Variants in GMEB2 observed in about 807,000 individuals in gnomAD.
GMEB2 encodes glucocorticoid modulatory element-binding protein 2.
A neutral mutation model predicts 45.7 loss-of-function variants in GMEB2; 7 were observed. The ratio of observed to expected loss-of-function variants is 0.15; its 90% CI spans 0.09 to 0.29. The LOEUF (loss-of-function observed/expected upper bound fraction) is 0.29. Among genes scored for constraint, GMEB2 ranks in the 10% least tolerant of loss-of-function variants. GMEB2 has a pLI of 1.00. For missense variants in GMEB2, 582 were observed against 739.2 expected, an observed-to-expected ratio of 0.79 and a Z score of 2.47; for synonymous variants, 322 against 323.6, an observed-to-expected ratio of 1.00 and a Z score of 0.05.
At chr20:63,608,824 CCT>C (rs1177810950) in intron 2 of GMEB2, among the ~76,000 whole-genome samples, 19 of 69,000 alleles carry the variant, frequency 2.8e-4, no homozygotes, top group Non-Finnish European at 4.8e-4. Context: ...GAAACATGCC[CCT>C]CTGACCCACA....
rs747331805 is a variant in GMEB2 at position 63,593,609 on chromosome 20, G to A, written c.620-527C>T. Among the ~76,000 whole-genome samples, 6 of 152,100 alleles carry A rather than the reference G, an allele frequency of 3.9e-5. No homozygotes were observed. Among genetic ancestry groups the A allele is most frequent in the Admixed American group, 6.6e-5 (1 of 15,264 alleles). On this transcript the variant is annotated intron_variant, in intron 6 of 9. Transcript: ENST00000370077. The surrounding 1 kb of genome is among the most constrained non-coding windows in gnomAD (Gnocchi z 4.7). The stretch of plus-strand genomic sequence containing the variant: ...AGTGGGGCTTTGAGAGACAGAAACC[G>A]TCCTGGCTCTTCCTGTGGGTCCCTC...
chr20:63,609,003 CA>C (rs1467804804), intron 2 of GMEB2, among the ~76,000 whole-genome samples: 7 of 24,940 alleles, frequency 2.8e-4, no homozygotes, highest in East Asian at 6.8e-4. Context: ...CCCTCTGACC[CA>C]CACCTCCATT....
At chr20:63,610,956 A>G (rs548128979) in intron 2 of GMEB2, among the ~76,000 whole-genome samples, 3 of 152,320 alleles carry the variant, frequency 2.0e-5, no homozygotes, top group East Asian at 3.9e-4. Flanking sequence ...TGAGGACCAC[A>G]TGCAGAGCCT....
At position 63,595,642 on chromosome 20, in the gene GMEB2, T is replaced by C. The variant is rs930833189; in HGVS notation, c.587A>G (p.Glu196Gly). 4 of 1,612,798 alleles carry C rather than the reference T, an allele frequency of 2.5e-6. No homozygotes were observed. Among genetic ancestry groups the C allele is most frequent in the Non-Finnish European group, 2.5e-6 (3 of 1,179,564 alleles). The change falls in exon 6 of 10, where the codon GAG becomes GGG. Residue 196 changes from glutamate to glycine, a missense_variant. By Grantham distance (98) the Glu-to-Gly change is moderately conservative. Coordinates refer to ENST00000370077, the MANE Select transcript of GMEB2 (RefSeq NM_012384.5). ...RVSLSSPTSA[E>G]YIPLTPAAAD... The stretch of plus-strand genomic sequence containing the variant: ...TGCGGCGGGCGTGAGGGGAATGTAC[T>C]CGGCCGACGTGGGGCTGCTCAGGGA...
rs567384252 is a variant in GMEB2, at chr20:63,589,964, C to G, written c.*125G>C. 4 of 701,712 alleles carry G rather than the reference C, an allele frequency of 5.7e-6. No homozygotes were observed. In the Admixed American group the frequency reaches 1.1e-4, roughly 19 times the overall value. The allele number at this position is 701,712 out of a possible 1,614,324, so 43.5% of individuals were successfully genotyped here. On this transcript the variant is annotated 3_prime_UTR_variant, in exon 10 of 10. Coordinates refer to ENST00000370077, the MANE Select transcript of GMEB2 (RefSeq NM_012384.5). The stretch of plus-strand genomic sequence containing the variant: ...CGTGATTTGTTTTGGCGATTCCTCT[C>G]TTTGGTTCTGCAGACCACGTGACCC...
chr20:63,622,548 C>A (rs564092728), intron 1 of GMEB2, among the ~76,000 whole-genome samples: 2 of 152,322 alleles, frequency 1.3e-5, no homozygotes, highest in East Asian at 3.9e-4. Context: ...ACCCTAGCTT[C>A]TTTTCCTCCA....
Position 63,619,539 on chromosome 20 carries a change from T to C in GMEB2, c.-57-85A>G, listed in dbSNP as rs1601034445. ...ACTCACAAAGGCATCTCTAATCAGC[T>C]CCAAAGACCCACCCTTGAGTCCCAG... On this transcript the variant is annotated intron_variant, in intron 1 of 9. Coordinates refer to ENST00000370077, the MANE Select transcript of GMEB2 (RefSeq NM_012384.5). The surrounding 1 kb of genome is among the most constrained non-coding windows in gnomAD (Gnocchi z 4.6). The C allele has an allele frequency of 4.1e-6, 3 of 734,340 alleles. No individual in the cohort carries two copies. The highest frequency in any genetic ancestry group is 6.3e-5 in the East Asian group (2 of 31,926). 45.5% of individuals were successfully genotyped at this position (734,340 alleles called of 1,614,324 possible). A position where few individuals can be genotyped will look rare whatever the true frequency, so the allele number is the denominator to read the frequency against.
chr20:63,594,606 C>T (rs1042314488), intron 6 of GMEB2, among the ~76,000 whole-genome samples: 1 of 152,194 alleles, frequency 6.6e-6, no homozygotes, highest in African/African-American at 2.4e-5. Flanking sequence ...ACAACAAGGA[C>T]GTCCCTGGGC....
rs563687385 is a variant in GMEB2 at position 63,592,210 on chromosome 20, G to T, written c.830-66C>A. 429 of 1,506,596 alleles carry T rather than the reference G, an allele frequency of 2.8e-4. No individual in the cohort carries two copies. In the Middle Eastern group the frequency reaches 3.3e-3, roughly 12 times the overall value. The allele number at this position is 1,506,596 out of a possible 1,614,324, so 93.3% of individuals were successfully genotyped here. Reference sequence around the variant, plus strand: ...TTCCTAGAGAGCCACGCGGACGCTCGGTGAGAGCCCGGGACCTTCCTAGAG... The same window carrying T: ...TTCCTAGAGAGCCACGCGGACGCTCTGTGAGAGCCCGGGACCTTCCTAGAG... On this transcript the variant is annotated intron_variant, in intron 8 of 9. Coordinates refer to ENST00000370077, the MANE Select transcript of GMEB2 (RefSeq NM_012384.5). The surrounding 1 kb of genome is among the most constrained non-coding windows in gnomAD (Gnocchi z 8.2).
Position 63,590,450 on chromosome 20 carries a change from C to A in GMEB2, c.1232G>T (p.Gly411Val). ...VVSTLPSTVL[G>V]KGSLQAPPAS... is the part of the protein sequence containing the mutation. ...GGGGGGCGCCTGAAGGGAACCCTTG[C>A]CCAGGACGGTGGACGGCAGGGTGGA... The change falls in exon 10 of 10, where the codon GGC (glycine) becomes GTC (valine). Residue 411 changes from glycine (G) to valine (V), a missense_variant. Gly to Val is a moderately radical substitution (Grantham distance 109, BLOSUM62 -3). This residue lies in a region of GMEB2 where 462 missense variants were observed against 586.7 expected (regional missense o/e 0.79). Transcript: ENST00000370077. 1 of 1,530,934 alleles carries A rather than the reference C, an allele frequency of 6.5e-7. No individual in the cohort carries two copies. 94.8% of individuals were successfully genotyped at this position (1,530,934 alleles called of 1,614,324 possible).
Position 63,597,751 on chromosome 20 carries a change from G to A in GMEB2, c.461+6C>T, listed in dbSNP as rs372702609. 115 of 1,526,168 alleles carry A rather than the reference G, an allele frequency of 7.5e-5. No individual in the cohort carries two copies. The highest frequency in any genetic ancestry group is 2.5e-4 in the South Asian group (22 of 89,278). 94.5% of individuals were successfully genotyped at this position (1,526,168 alleles called of 1,614,324 possible). ...GCAGGGAGGCTGACCCTGCGCCAGCGCCCACCTGAGCATGATGCCGTTCAT... is the reference window on the plus strand; with the variant it reads ...GCAGGGAGGCTGACCCTGCGCCAGCACCCACCTGAGCATGATGCCGTTCAT... On this transcript the variant is annotated splice_donor_region_variant and intron_variant, in intron 5 of 9. Transcript: ENST00000370077.
intron 6 of GMEB2, among the ~76,000 whole-genome samples, chr20:63,594,677 A>G (rs538194370): frequency 2.6e-4 from 39 of 152,328 alleles, no homozygotes; most frequent in African/African-American, 9.4e-4. Context: ...TGCATGTGGC[A>G]TTGCTGGAAA....
intron 9 of GMEB2, among the ~76,000 whole-genome samples, chr20:63,591,349 CTGAACACACACACAG>C (rs1364820342): frequency 2.9e-3 from 345 of 120,992 alleles, no homozygotes; most frequent in African/African-American, 0.014. Flanking sequence ...CACACACACA[CTGAACACACACACAG>C]TGAACACACA....
Position 63,593,470 on chromosome 20 carries a change from G to C in GMEB2, c.620-388C>G, listed in dbSNP as rs1193196442. ...TTGTTTTCCCACCGAGAGCTCTGCGGCTGCGTCTGTCGCCCGTGGGGCTCG... is the reference window on the plus strand; with the variant it reads ...TTGTTTTCCCACCGAGAGCTCTGCGCCTGCGTCTGTCGCCCGTGGGGCTCG... On this transcript the variant is annotated intron_variant, in intron 6 of 9. Transcript: ENST00000370077. The surrounding 1 kb of genome is among the most constrained non-coding windows in gnomAD (Gnocchi z 4.7). Among the ~76,000 whole-genome samples, 4 of 151,810 alleles carry C rather than the reference G, an allele frequency of 2.6e-5. No individual in the cohort carries two copies. Among genetic ancestry groups the C allele is most frequent in the Non-Finnish European group, 1.5e-5 (1 of 68,002 alleles).
chr20:63,599,372 C>T (rs2083224959), intron 4 of GMEB2, among the ~76,000 whole-genome samples: 1 of 152,274 alleles, frequency 6.6e-6, no homozygotes, highest in South Asian at 2.1e-4. Context: ...CACCTCCTCA[C>T]AGCACAGCGC....
chr20:63,605,079 C>T (rs898694509), intron 2 of GMEB2, among the ~76,000 whole-genome samples: 1 of 151,628 alleles, frequency 6.6e-6, no homozygotes, highest in African/African-American at 2.4e-5. Flanking sequence ...GGTGAAACCC[C>T]ATCTCTATTT....
chr20:63,613,993 G>C (rs2089589341), intron 2 of GMEB2, among the ~76,000 whole-genome samples: 1 of 152,042 alleles, frequency 6.6e-6, no homozygotes, highest in African/African-American at 2.4e-5. Flanking sequence ...GCAGGGTAAA[G>C]AGACCCCCTA....
chr20:63,620,203 C>T (rs1421595448), intron 1 of GMEB2, among the ~76,000 whole-genome samples: 1 of 152,192 alleles, frequency 6.6e-6, no homozygotes, highest in Non-Finnish European at 1.5e-5. Flanking sequence ...CTGGCCTGCC[C>T]CGGGTTTAAA....
At chr20:63,597,655 A>G in intron 5 of GMEB2, 102 bp downstream of exon 5, 2 of 722,320 alleles carry the variant, frequency 2.8e-6, no homozygotes, top group South Asian at 3.0e-5. Flanking sequence ...CACTCACCAC[A>G]TCTAAAATAC....
Sources: gnomAD v4.1 joint callset for allele counts (sites outside exome capture counted in the v4.1 genomes callset) on GRCh38, gnomAD v4.1.1 for gene constraint, gnomAD v4.1.1 regional missense constraint, Gnocchi (gnomAD v3.1) non-coding constraint, MANE v1.5 for transcripts, NCBI Gene and HGNC (gene_info 2026-07-23, HGNC 2026-07-21) for gene names.